Variants in COLQ observed in about 807,000 individuals in gnomAD.
COLQ encodes the protein acetylcholinesterase collagenic tail peptide.
Under a neutral mutation model 69.0 loss-of-function variants are expected in COLQ, and 48 were observed. That is an observed-to-expected ratio of 0.70 (90% CI 0.55 to 0.88). COLQ has a LOEUF of 0.88. Among genes scored for constraint, COLQ ranks in the 40% least tolerant of loss-of-function variants. COLQ has a pLI of 0.00. For synonymous variants in COLQ, 217 were observed against 211.2 expected, an observed-to-expected ratio of 1.03 and a Z score of -0.24; for missense variants, 618 against 594.6, an observed-to-expected ratio of 1.04 and a Z score of -0.41.
chr3:15,496,481 C>T (rs898893110), intron 1 of COLQ, among the ~76,000 whole-genome samples: 1 of 152,154 alleles, frequency 6.6e-6, no homozygotes, highest in African/African-American at 2.4e-5. Flanking sequence ...CATGGACTGT[C>T]TCTATAGAAT....
intron 9 of COLQ, 79 bp downstream of exon 9, chr3:15,474,149 C>T: frequency 2.5e-6 from 4 of 1,591,664 alleles, no homozygotes; most frequent in Non-Finnish European, 3.4e-6. Context: ...AGTCCATCAT[C>T]AGTCCACGGA....
intron 1 of COLQ, among the ~76,000 whole-genome samples, chr3:15,499,025 C>T (rs1376950310): frequency 6.6e-6 from 1 of 151,764 alleles, no homozygotes; most frequent in Non-Finnish European, 1.5e-5. Flanking sequence ...AGTCAACCCC[C>T]CACCGAGACC....
At chr3:15,514,187 C>G (rs1186371779) in intron 1 of COLQ, among the ~76,000 whole-genome samples, 2 of 152,090 alleles carry the variant, frequency 1.3e-5, no homozygotes, top group African/African-American at 2.4e-5. Context: ...ACTTCCAGAA[C>G]CATAATAGAT....
intron 11 of COLQ, among the ~76,000 whole-genome samples, chr3:15,469,049 C>T (rs2125107602): frequency 6.6e-6 from 1 of 152,282 alleles, no homozygotes; most frequent in East Asian, 1.9e-4. Context: ...AATACCACAT[C>T]AGGCTTCTAA....
intron 11 of COLQ, among the ~76,000 whole-genome samples, chr3:15,467,065 C>A (rs1017135843): frequency 6.6e-6 from 1 of 152,238 alleles, no homozygotes; most frequent in Non-Finnish European, 1.5e-5. Flanking sequence ...CTGTTTCCTT[C>A]ATGGCATTTA....
chr3:15,458,770 G>C (rs1575463751), intron 12 of COLQ, among the ~76,000 whole-genome samples: 1 of 152,174 alleles, frequency 6.6e-6, no homozygotes, highest in Non-Finnish European at 1.5e-5. Context: ...TTAACAGAGG[G>C]CTTCTTGCCG....
intron 16 of COLQ, among the ~76,000 whole-genome samples, chr3:15,453,515 G>A (rs2061978791): frequency 6.6e-6 from 1 of 152,162 alleles, no homozygotes; most frequent in Admixed American, 6.5e-5. Context: ...ATGTAGTCAT[G>A]GTGACCACTG....
In COLQ at chr3:15,456,963, C is replaced by T. The variant is rs149100832; in HGVS notation, c.955-384G>A. 7.0e-3 allele frequency among the ~76,000 whole-genome samples: 1,059 copies of T among 152,060 alleles called. 20 individuals carry two copies. The highest frequency in any genetic ancestry group is 0.024 in the African/African-American group (1,008 of 41,464). ...TCAGCCTCTCGAGTAGGTGGGATTA[C>T]AGGTGTGCACCACAATGCCTGGCTA... On this transcript the variant is annotated intron_variant, in intron 13 of 16. Coordinates refer to ENST00000383788, the MANE Select transcript of COLQ (RefSeq NM_005677.4).
chr3:15,465,568 CTTTTTATT>C (rs1423553718), intron 12 of COLQ, among the ~76,000 whole-genome samples: 1 of 143,838 alleles, frequency 7.0e-6, no homozygotes, highest in East Asian at 2.1e-4. Context: ...GCCCAGCCAA[CTTTTTATT>C]TTTTTATTTT....
chr3:15,515,611 C>A (rs60644109), intron 1 of COLQ, among the ~76,000 whole-genome samples: 14,630 of 152,104 alleles, frequency 0.096, 944 homozygotes, highest in East Asian at 0.33. Context: ...AGTTCGAGAC[C>A]AGCCTGGCTA....
chr3:15,470,727 A>C, intron 10 of COLQ, 111 bp from the exon 11 acceptor site: 1 of 1,010,190 alleles, frequency 9.9e-7, no homozygotes, highest in Non-Finnish European at 1.6e-6. Context: ...GATCATTCCG[A>C]ATCTATGCCA....
At chr3:15,507,637 A>T (rs1228946508) in intron 1 of COLQ, among the ~76,000 whole-genome samples, 1 of 152,144 alleles carries the variant, frequency 6.6e-6, no homozygotes, top group African/African-American at 2.4e-5. Context: ...TGTATTTTTT[A>T]GCAAGATGGG....
chr3:15,496,099 C>T (rs1168429413), intron 1 of COLQ: 2 of 152,410 alleles, frequency 1.3e-5, no homozygotes, highest in Non-Finnish European at 2.9e-5. Flanking sequence ...GACCTTGTAT[C>T]ATTTAAAGCA....
rs769665618 is a variant in COLQ at position 15,474,035 on chromosome 3, C to T, written c.601G>A (p.Gly201Ser). ...AACATTCCAGGAAATCCTGGGAAAC[C>T]CTGTGAAAAGAGCAACAAATAATTG... ...KGDLGPKGEK[G>S]FPGFPGMLGQ... is the part of the protein sequence containing the mutation. Residue 201 changes from glycine to serine, a missense_variant and splice_region_variant, in exon 10 of 17, where the codon GGT becomes AGT. By Grantham distance (56) the Gly-to-Ser change is moderately conservative (BLOSUM62 0). Coordinates refer to ENST00000383788, the MANE Select transcript of COLQ (RefSeq NM_005677.4). The T allele has an allele frequency of 1.2e-6, 2 of 1,613,958 alleles. No individual in the cohort carries two copies. The highest frequency in any genetic ancestry group is 1.7e-6 in the Non-Finnish European group (2 of 1,180,022).
chr3:15,459,451 T>G (rs1053519273), intron 12 of COLQ, among the ~76,000 whole-genome samples: 1 of 151,900 alleles, frequency 6.6e-6, no homozygotes, highest in Non-Finnish European at 1.5e-5. Flanking sequence ...TAAAAAAAAT[T>G]TTTTTACCAC....
At chr3:15,457,328 T>C (rs1394863625) in intron 13 of COLQ, among the ~76,000 whole-genome samples, 1 of 151,706 alleles carries the variant, frequency 6.6e-6, no homozygotes, top group Non-Finnish European at 1.5e-5. Flanking sequence ...ACTGGTTAAG[T>C]AAATTGTAGC....
chr3:15,504,038 T>A (rs2062869289), intron 1 of COLQ, among the ~76,000 whole-genome samples: 2 of 152,050 alleles, frequency 1.3e-5, no homozygotes, highest in African/African-American at 4.8e-5. Flanking sequence ...TCTCTGATTA[T>A]CCCGACCACA....
rs374700344 is a variant in COLQ at position 15,489,526 on chromosome 3, G to A, written c.218C>T (p.Pro73Leu). 2.0e-5 allele frequency: 32 copies of A among 1,614,088 alleles called. No homozygotes were observed. The highest frequency in any genetic ancestry group is 1.5e-4 in the South Asian group (14 of 91,078). The change falls in exon 2 of 17, where the codon CCG becomes CTG. Residue 73 changes from proline (P) to leucine (L), a missense_variant and splice_region_variant. By Grantham distance (98) the Pro-to-Leu change is moderately conservative. Transcript: ENST00000383788. ...PPPFFRGGRS[P>L]LLSPDMKNLM... ...TCTCATAAATCCCAAAGTACTCACC[G>A]GACTTCGGCCACCTCTGAAGAATGG...
At chr3:15,514,117 G>A (rs1275144790) in intron 1 of COLQ, among the ~76,000 whole-genome samples, 1 of 152,192 alleles carries the variant, frequency 6.6e-6, no homozygotes, top group Non-Finnish European at 1.5e-5. Context: ...GGAAATGGAT[G>A]CTTCCTGAGA....
Sources: gnomAD v4.1 joint callset for allele counts (sites outside exome capture counted in the v4.1 genomes callset) on GRCh38, gnomAD v4.1.1 for gene constraint, MANE v1.5 for transcripts, NCBI Gene and HGNC (gene_info 2026-07-23, HGNC 2026-07-21) for gene names.